The following TCP1 variants were observed in gnomAD, a reference collection of about 807,000 sequenced individuals.
TCP1 encodes the protein T-complex protein 1 subunit alpha.
A neutral mutation model predicts 54.7 loss-of-function variants in TCP1; 6 were observed. That is an observed-to-expected ratio of 0.11 (90% CI 0.06 to 0.22). The LOEUF is 0.22. TCP1 is among the 10% of genes least tolerant of loss of function. The probability of loss-of-function intolerance (pLI) is 1.00; values close to 1 mark genes in which losing one functional copy is unlikely to be tolerated. For missense variants in TCP1, 511 were observed against 678.2 expected, an observed-to-expected ratio of 0.75 and a Z score of 2.74; for synonymous variants, 225 against 229.7, an observed-to-expected ratio of 0.98 and a Z score of 0.19.
intron 1 of TCP1, chr6:159,789,058 G>A: frequency 3.2e-6 from 1 of 312,818 alleles, no homozygotes; most frequent in South Asian, 5.4e-5. Context: ...GGACACTCAG[G>A]GGGTCGCCCT....
chr6:159,788,581 C>CG (rs746238379), intron 1 of TCP1: 184 of 69,146 alleles, frequency 2.7e-3, no homozygotes, highest in Non-Finnish European at 4.0e-3. Flanking sequence ...AATCTGATGG[C>CG]GGGGAAAAAA....
intron 3 of TCP1, among the ~76,000 whole-genome samples, chr6:159,786,293 T>A (rs1325074620): frequency 6.6e-6 from 1 of 151,878 alleles, no homozygotes; most frequent in Non-Finnish European, 1.5e-5. Flanking sequence ...TGTTTTTTTA[T>A]ACATCATCTT....
At chr6:159,784,931 T>A (rs1780657737) in intron 5 of TCP1, 84 bp from the exon 6 acceptor site, 7 of 1,314,104 alleles carry the variant, frequency 5.3e-6, no homozygotes, top group Non-Finnish European at 7.6e-6. Context: ...TTCAAGGGAC[T>A]TCCTTTTAGT....
chr6:159,779,339 G>GT (rs1780514880), intron 11 of TCP1, 78 bp from the exon 12 acceptor site: 1 of 1,298,842 alleles, frequency 7.7e-7, no homozygotes, highest in Non-Finnish European at 1.1e-6. Context: ...TTTCATTCAA[G>GT]TATTAAGGTT....
chr6:159,779,642 C>T lies in TCP1; in HGVS notation c.1439G>A (p.Arg480His), dbSNP rs201938825. 125 of 1,601,976 alleles carry T rather than the reference C, an allele frequency of 7.8e-5. No homozygotes were observed. The highest frequency in any genetic ancestry group is 3.3e-4 in the Middle Eastern group (2 of 5,990). The change falls in exon 11 of 12, where the codon CGT (arginine) becomes CAT (histidine). Residue 480 changes from arginine (R) to histidine (H), a missense_variant. Around this residue, in one of 5 missense-constraint regions of TCP1, gnomAD observed 88 missense variants for 153.1 expected, o/e 0.57. Transcript: ENST00000321394. ...CCATGCTTACCATTTTAGATTTTTA[C>T]GTTCTGGGTTAACCTGGGCCTCATT... is the stretch of plus-strand genomic sequence containing the variant. ...FHNEAQVNPE[R>H]KNLKWIGLDL...
intron 7 of TCP1, among the ~76,000 whole-genome samples, chr6:159,782,349 A>C (rs1399945124): frequency 1.3e-5 from 2 of 152,188 alleles, no homozygotes; most frequent in African/African-American, 4.8e-5. Context: ...ATATAAACTC[A>C]TGGTAAAAAC....
chr6:159,782,498 T>C (rs981720748), intron 7 of TCP1, among the ~76,000 whole-genome samples: 13 of 152,266 alleles, frequency 8.5e-5, no homozygotes, highest in Admixed American at 5.2e-4. Flanking sequence ...GAAAAGTAGG[T>C]AAATTTAATT....
At chr6:159,780,667 T>TTA in intron 8 of TCP1, 101 bp from the exon 9 acceptor site, 1 of 1,467,008 alleles carries the variant, frequency 6.8e-7, no homozygotes, top group Non-Finnish European at 9.2e-7. Context: ...TATTACAAGT[T>TTA]TAGAATTTAG....
At chr6:159,779,457 C>T in intron 11 of TCP1, 170 bp downstream of exon 11, 1 of 1,013,132 alleles carries the variant, frequency 9.9e-7, no homozygotes, top group South Asian at 1.7e-5. Context: ...AATAATTAGT[C>T]ATTATCCCTT....
intron 11 of TCP1, among the ~76,000 whole-genome samples, 158 bp from the exon 12 acceptor site, chr6:159,779,419 TCA>T (rs946132291): frequency 3.0e-4 from 46 of 152,302 alleles, no homozygotes; most frequent in African/African-American, 1.1e-3. Context: ...AGATTAGCAA[TCA>T]CAGTTAACGA....
intron 6 of TCP1, among the ~76,000 whole-genome samples, chr6:159,784,283 A>G (rs1324197944): frequency 6.6e-6 from 1 of 151,928 alleles, no homozygotes; most frequent in African/African-American, 2.4e-5. Flanking sequence ...TGTACTGCAC[A>G]TAATCCACAA....
At chr6:159,786,580 A>G (rs144890080) in intron 3 of TCP1, among the ~76,000 whole-genome samples, 1 of 152,242 alleles carries the variant, frequency 6.6e-6, no homozygotes, top group Non-Finnish European at 1.5e-5. Context: ...CAAGTTGATA[A>G]AACACTAAGA....
chr6:159,779,841 G>A (rs890498635), intron 10 of TCP1, 51 bp from the exon 11 acceptor site: 1 of 1,584,732 alleles, frequency 6.3e-7, no homozygotes, highest in Non-Finnish European at 8.5e-7. Flanking sequence ...AAAAAAAATT[G>A]AAGTCCACAG....
chr6:159,779,499 T>G, intron 11 of TCP1, 128 bp downstream of exon 11: 1 of 1,297,228 alleles, frequency 7.7e-7, no homozygotes, highest in Non-Finnish European at 1.1e-6. Context: ...AAATGCTTGC[T>G]GTGAAGTTTT....
chr6:159,780,122 ATT>A, intron 9 of TCP1, 35 bp from the exon 10 acceptor site: 1 of 1,577,782 alleles, frequency 6.3e-7, no homozygotes, highest in East Asian at 2.2e-5. Context: ...TTGTAATAGC[ATT>A]TTTAAAAATT....
chr6:159,787,987 G>T (rs928538026), intron 2 of TCP1, 71 bp downstream of exon 2: 1 of 1,607,444 alleles, frequency 6.2e-7, no homozygotes, highest in African/African-American at 1.3e-5. Context: ...TAAAGTCAAA[G>T]AAAGAACATA....
chr6:159,782,244 T>C (rs1328231995), intron 7 of TCP1, among the ~76,000 whole-genome samples: 7 of 152,124 alleles, frequency 4.6e-5, no homozygotes, highest in Non-Finnish European at 5.9e-5. Context: ...GCCATGTGAA[T>C]AGATCATTCG....
At position 159,786,251 on chromosome 6, in the gene TCP1, T is replaced by C. The variant is rs1393822284; in HGVS notation, c.280-254A>G. On this transcript the variant is annotated intron_variant, in intron 3 of 11. Transcript: ENST00000321394. ...GACAGCAATTTCTCAAATACAGTTG[T>C]TTATTGTAACGCTGATGGGGGGAGG... Among the ~76,000 whole-genome samples the C allele has an allele frequency of 2.0e-5, 3 of 152,340 alleles. No homozygotes were observed. The South Asian group carries it at 6.2e-4, about 32-fold the overall frequency.
intron 8 of TCP1, 133 bp downstream of exon 8, chr6:159,780,802 G>T: frequency 7.9e-7 from 1 of 1,268,294 alleles, no homozygotes; most frequent in Non-Finnish European, 1.1e-6. Context: ...CTATAAATGT[G>T]TTGGTAGCAC....
Sources: allele counts gnomAD v4.1 joint callset (sites outside exome capture counted in the v4.1 genomes callset), GRCh38; gene constraint gnomAD v4.1.1; regional missense constraint gnomAD v4.1.1; transcripts MANE v1.5; gene names NCBI Gene and HGNC (gene_info 2026-07-23, HGNC 2026-07-21).